Variants in PTPRD observed in about 807,000 individuals in gnomAD.
PTPRD encodes protein tyrosine phosphatase receptor type D, also known as receptor-type tyrosine-protein phosphatase delta.
Under a neutral mutation model 214.5 loss-of-function variants are expected in PTPRD, and 34 were observed. The ratio of observed to expected loss-of-function variants is 0.16; its 90% CI spans 0.12 to 0.21. The LOEUF is 0.21. Ranked by LOEUF, PTPRD falls within the 10% of genes least tolerant of loss-of-function variation. PTPRD has a pLI of 1.00. For missense variants in PTPRD, 2,545 were observed against 2,398.7 expected, an observed-to-expected ratio of 1.06 and a Z score of -1.27; for synonymous variants, 1,128 against 845.7, an observed-to-expected ratio of 1.33 and a Z score of -5.79.
intron 8 of PTPRD, among the ~76,000 whole-genome samples, chr9:9,548,869 A>C (rs2079497065): frequency 6.6e-6 from 1 of 152,146 alleles, no homozygotes; most frequent in South Asian, 2.1e-4. Context: ...AAATGAAGCA[A>C]AGATTGACAA....
intron 3 of PTPRD, among the ~76,000 whole-genome samples, chr9:10,168,050 G>A (rs899326350): frequency 3.3e-5 from 5 of 152,112 alleles, no homozygotes; most frequent in Non-Finnish European, 5.9e-5. Context: ...GGCAATTCAC[G>A]TGTTTTTCCT....
At chr9:9,693,284 T>C (rs2097307810) in intron 7 of PTPRD, among the ~76,000 whole-genome samples, 1 of 152,094 alleles carries the variant, frequency 6.6e-6, no homozygotes, top group Non-Finnish European at 1.5e-5. Flanking sequence ...TGGTGAGAAG[T>C]GACTGGGTTA....
chr9:10,195,225 C>T (rs970918814), intron 3 of PTPRD, among the ~76,000 whole-genome samples: 1 of 148,718 alleles, frequency 6.7e-6, no homozygotes, highest in Non-Finnish European at 1.5e-5. Context: ...GAATATTGTA[C>T]AATGCCAGGC....
chr9:9,685,990 C>A (rs1210368043), intron 7 of PTPRD, among the ~76,000 whole-genome samples: 1 of 151,250 alleles, frequency 6.6e-6, no homozygotes, highest in African/African-American at 2.4e-5. Context: ...CTGAAAAAAT[C>A]TTCCTGACAA....
At chr9:9,720,864 T>A (rs2097923731) in intron 7 of PTPRD, among the ~76,000 whole-genome samples, 1 of 152,150 alleles carries the variant, frequency 6.6e-6, no homozygotes, top group South Asian at 2.1e-4. Flanking sequence ...GAGTGGAGGA[T>A]GTTATCCTTA....
intron 5 of PTPRD, among the ~76,000 whole-genome samples, chr9:9,771,688 A>G (rs1030471321): frequency 6.6e-6 from 1 of 152,220 alleles, no homozygotes; most frequent in African/African-American, 2.4e-5. Context: ...TTTCAAGAGC[A>G]TACATCCCTA....
At chr9:9,759,309 G>A (rs1159954036) in intron 6 of PTPRD, among the ~76,000 whole-genome samples, 1 of 152,078 alleles carries the variant, frequency 6.6e-6, no homozygotes, top group Non-Finnish European at 1.5e-5. Flanking sequence ...AACTGGCACT[G>A]ACTGCCGCAA....
chr9:9,252,982 T>C (rs2099976116), intron 9 of PTPRD, among the ~76,000 whole-genome samples: 1 of 152,090 alleles, frequency 6.6e-6, no homozygotes, highest in South Asian at 2.1e-4. Flanking sequence ...TAAACAAAAA[T>C]AAGACTATTG....
chr9:8,970,189 G>A (rs1270580544), intron 11 of PTPRD, among the ~76,000 whole-genome samples: 3 of 151,876 alleles, frequency 2.0e-5, no homozygotes, highest in Non-Finnish European at 2.9e-5. Flanking sequence ...GAGCATGAGT[G>A]TTCTTGCTCA....
At chr9:9,211,369 A>G (rs1443607872) in intron 9 of PTPRD, among the ~76,000 whole-genome samples, 1 of 152,164 alleles carries the variant, frequency 6.6e-6, no homozygotes, top group East Asian at 1.9e-4. Context: ...TAAGTTTCTC[A>G]TTAGGAATAT....
chr9:9,736,626 T>G (rs971251542), intron 6 of PTPRD, among the ~76,000 whole-genome samples: 1 of 152,116 alleles, frequency 6.6e-6, no homozygotes, highest in African/African-American at 2.4e-5. Context: ...CTGCTTAATT[T>G]TAGCTATCAG....
chr9:9,849,013 G>GA (rs1565744831), intron 5 of PTPRD, among the ~76,000 whole-genome samples: 1 of 151,490 alleles, frequency 6.6e-6, no homozygotes, highest in Admixed American at 6.6e-5. Context: ...CCAGTTACCC[G>GA]AAAAACAGGG....
chr9:8,593,412 G>A (rs905323832), intron 14 of PTPRD, among the ~76,000 whole-genome samples: 21 of 152,128 alleles, frequency 1.4e-4, no homozygotes, highest in Non-Finnish European at 2.4e-4. Context: ...CTTGTTTATT[G>A]TAAGCTTGCC....
At chr9:10,141,092 A>G (rs2098981405) in intron 3 of PTPRD, among the ~76,000 whole-genome samples, 1 of 152,118 alleles carries the variant, frequency 6.6e-6, no homozygotes, top group Non-Finnish European at 1.5e-5. Flanking sequence ...TATTGATGGG[A>G]CGTATCTCAA....
At chr9:9,394,106 A>G (rs930953436) in intron 9 of PTPRD, among the ~76,000 whole-genome samples, 3 of 152,198 alleles carry the variant, frequency 2.0e-5, no homozygotes, top group Admixed American at 2.0e-4. Flanking sequence ...ATCCTAAAAT[A>G]TGATGTAATA....
At chr9:9,223,370 C>T (rs758647108) in intron 9 of PTPRD, among the ~76,000 whole-genome samples, 2 of 151,914 alleles carry the variant, frequency 1.3e-5, no homozygotes, top group African/African-American at 4.8e-5. Flanking sequence ...ATAGGAAGCT[C>T]TTTTGTGCTG....
chr9:10,374,300 G>C (rs961436343), intron 2 of PTPRD, among the ~76,000 whole-genome samples: 1 of 152,030 alleles, frequency 6.6e-6, no homozygotes, highest in African/African-American at 2.4e-5. Context: ...TGCAATGTAA[G>C]AATTATAATT....
At chr9:10,151,413 C>T (rs559594738) in intron 3 of PTPRD, among the ~76,000 whole-genome samples, 23 of 151,922 alleles carry the variant, frequency 1.5e-4, no homozygotes, top group African/African-American at 5.1e-4. Flanking sequence ...CAGGCACATG[C>T]CACCACGCCC....
chr9:10,610,131 T>C (rs1372731023), intron 2 of PTPRD, among the ~76,000 whole-genome samples: 1 of 152,120 alleles, frequency 6.6e-6, no homozygotes, highest in East Asian at 1.9e-4. Context: ...AAGTTGCAAC[T>C]ACCTCTGTAC....
Sources: gnomAD v4.1 joint callset for allele counts (sites outside exome capture counted in the v4.1 genomes callset) on GRCh38, gnomAD v4.1.1 for gene constraint, MANE v1.5 for transcripts, NCBI Gene and HGNC (gene_info 2026-07-23, HGNC 2026-07-21) for gene names.